SLC25A24: variants seen among roughly 807,000 people sequenced by gnomAD.
The protein encoded by SLC25A24 is solute carrier family 25 member 24.
A neutral mutation model predicts 60.7 loss-of-function variants in SLC25A24; 49 were observed. The ratio of observed to expected loss-of-function variants is 0.81; its 90% CI spans 0.64 to 1.02. SLC25A24 has a LOEUF of 1.02. SLC25A24 is among the 50% of genes least tolerant of loss of function. SLC25A24 has a pLI of 0.00. For missense variants in SLC25A24, 564 were observed against 586.3 expected (o/e 0.96, Z 0.39); for synonymous variants, 202 against 200.6 (o/e 1.01, Z -0.06).
chr1:108,160,627 G>A (rs547526847), intron 4 of SLC25A24, among the ~76,000 whole-genome samples: 18 of 152,314 alleles, frequency 1.2e-4, no homozygotes, highest in African/African-American at 3.6e-4. Context: ...GTAGCGAGCC[G>A]AGATCATGCC....
At chr1:108,153,506 G>C (rs578202846) in intron 6 of SLC25A24, among the ~76,000 whole-genome samples, 7 of 152,340 alleles carry the variant, frequency 4.6e-5, no homozygotes, top group Admixed American at 2.0e-4. Flanking sequence ...AGGCTGGACA[G>C]GGGAGGAACT....
At chr1:108,189,713 G>C (rs1330513978) in intron 1 of SLC25A24, among the ~76,000 whole-genome samples, 1 of 151,698 alleles carries the variant, frequency 6.6e-6, no homozygotes, top group Non-Finnish European at 1.5e-5. Context: ...CTACTCCGGA[G>C]GTTGAGGCAC....
rs541710117 is a variant in SLC25A24 at position 108,174,503 on chromosome 1, C to T, written c.398+7438G>A. On this transcript the variant is annotated intron_variant, in intron 3 of 9. Transcript: ENST00000565488. ...GTGGAGCCCTTGAGGAGAACCTCCG[C>T]TAGGGCAGTGCAAAAGGGAAATGTG... 2.6e-5 allele frequency among the ~76,000 whole-genome samples: 4 copies of T among 152,302 alleles called. No individual in the cohort carries two copies. In the South Asian group the frequency reaches 8.3e-4, roughly 32 times the overall value.
chr1:108,148,842 TTGACAAATGTGA>T (rs1299582281), intron 6 of SLC25A24, among the ~76,000 whole-genome samples: 1 of 152,238 alleles, frequency 6.6e-6, no homozygotes, highest in Admixed American at 6.5e-5. Context: ...AATCAATAAA[TTGACAAATGTGA>T]TGATGTGTCT....
chr1:108,183,855 T>C (rs1430532457), intron 2 of SLC25A24, among the ~76,000 whole-genome samples: 1 of 152,248 alleles, frequency 6.6e-6, no homozygotes, highest in Non-Finnish European at 1.5e-5. Flanking sequence ...GCTAGGAATG[T>C]ACATGCTGAG....
At chr1:108,160,661 T>C (rs541544094) in intron 4 of SLC25A24, among the ~76,000 whole-genome samples, 91 of 152,248 alleles carry the variant, frequency 6.0e-4, no homozygotes, top group Admixed American at 1.6e-3. Flanking sequence ...CTGGGCACCA[T>C]TGAGCACTGA....
intron 3 of SLC25A24, among the ~76,000 whole-genome samples, chr1:108,175,384 T>A (rs535280857): frequency 6.6e-6 from 1 of 152,306 alleles, no homozygotes; most frequent in South Asian, 2.1e-4. Flanking sequence ...TCCACCATGA[T>A]TGTAAGTTTC....
intron 3 of SLC25A24, among the ~76,000 whole-genome samples, chr1:108,175,437 C>T (rs10881512): frequency 0.44 from 67,092 of 152,110 alleles, 14,999 homozygotes; most frequent in Middle Eastern, 0.59. Context: ...AATTAAACCT[C>T]TTTCCTTTAT....
In SLC25A24 at chr1:108,181,991, C is replaced by G. The variant is rs374943909; in HGVS notation, c.348G>C (p.Gln116His). The change falls in exon 3 of 10, where the codon CAG becomes CAC. Residue 116 changes from glutamine (Q) to histidine (H), a missense_variant. Physicochemically the swap from Gln to His is conservative, Grantham distance 24. Transcript: ENST00000565488. Reference sequence around the variant, plus strand: ...GTTCAGAAATAGTCAGACCCAGTGTCTGGAGAGACTGGACAATTTCTGAAG... The same window carrying G: ...GTTCAGAAATAGTCAGACCCAGTGTGTGGAGAGACTGGACAATTTCTGAAG... ...IEASEIVQSL[Q>H]TLGLTISEQQ... 1.2e-6 allele frequency: 2 copies of G among 1,612,590 alleles called. No individual in the cohort carries two copies. The highest frequency in any genetic ancestry group is 2.7e-5 in the African/African-American group (2 of 74,938).
At chr1:108,150,655 C>T (rs1679731563) in intron 6 of SLC25A24, among the ~76,000 whole-genome samples, 1 of 152,148 alleles carries the variant, frequency 6.6e-6, no homozygotes, top group Non-Finnish European at 1.5e-5. Context: ...TTATCCATAG[C>T]TACTCACATA....
In SLC25A24 at chr1:108,185,706, T is replaced by C. The variant is rs1191508375; in HGVS notation, c.310+122A>G. On this transcript the variant is annotated intron_variant, in intron 2 of 9. Coordinates refer to ENST00000565488, the MANE Select transcript of SLC25A24 (RefSeq NM_013386.5). ...TAAAAATCACATTACTAAAAAAAAG[T>C]ATTAACACAAATAATAATTATCATC... is the stretch of plus-strand genomic sequence containing the variant. 5 of 727,244 alleles carry C rather than the reference T, an allele frequency of 6.9e-6. No homozygotes were observed. The Admixed American group carries it at 1.5e-4, about 21-fold the overall frequency. 45.0% of individuals were successfully genotyped at this position (727,244 alleles called of 1,614,324 possible).
At chr1:108,185,279 C>T (rs1194002848) in intron 2 of SLC25A24, among the ~76,000 whole-genome samples, 3 of 152,232 alleles carry the variant, frequency 2.0e-5, no homozygotes, top group Non-Finnish European at 4.4e-5. Context: ...ACCTATTAAT[C>T]GAAATATAGA....
At chr1:108,179,122 C>CAAA (rs199592657) in intron 3 of SLC25A24, among the ~76,000 whole-genome samples, 5 of 84,396 alleles carry the variant, frequency 5.9e-5, no homozygotes, top group Non-Finnish European at 1.0e-4. Flanking sequence ...CCAAAAAGTA[C>CAAA]AAAAAAAAAA....
chr1:108,159,002 C>CA (rs1679981027), intron 4 of SLC25A24, among the ~76,000 whole-genome samples: 3 of 151,764 alleles, frequency 2.0e-5, no homozygotes, highest in South Asian at 2.1e-4. Flanking sequence ...GACTCCGTCT[C>CA]AAAAAAACAA....
chr1:108,188,111 C>T (rs1338223307), intron 1 of SLC25A24, among the ~76,000 whole-genome samples: 2 of 151,620 alleles, frequency 1.3e-5, no homozygotes, highest in East Asian at 1.9e-4. Flanking sequence ...TTATCCTAAG[C>T]GAATCAACGC....
chr1:108,136,675 G>T lies in SLC25A24; in HGVS notation c.1412C>A (p.Thr471Asn). The T allele has an allele frequency of 1.2e-6, 2 of 1,613,668 alleles. No homozygotes were observed. Among genetic ancestry groups the T allele is most frequent in the African/African-American group, 1.3e-5 (1 of 75,032 alleles). Reference sequence around the variant, plus strand: ...ACATCATTTCTGGGTTACTCCTAAAGTTTGCTTCATATTTTCATAAACCAC... The same window carrying T: ...ACATCATTTCTGGGTTACTCCTAAATTTTGCTTCATATTTTCATAAACCAC... ...SYVVYENMKQ[T>N]LGVTQK Residue 471 changes from threonine to asparagine, a missense_variant, in exon 10 of 10, where the codon ACT becomes AAT. Coordinates refer to ENST00000565488, the MANE Select transcript of SLC25A24 (RefSeq NM_013386.5).
At chr1:108,167,755 C>T (rs535694438) in intron 3 of SLC25A24, among the ~76,000 whole-genome samples, 270 of 152,350 alleles carry the variant, frequency 1.8e-3, no homozygotes, top group African/African-American at 6.2e-3. Context: ...GCGTCTTCTG[C>T]GTCGCTCACG....
At chr1:108,143,192 A>T (rs1270210981) in intron 8 of SLC25A24, among the ~76,000 whole-genome samples, 1 of 152,228 alleles carries the variant, frequency 6.6e-6, no homozygotes, top group African/African-American at 2.4e-5. Context: ...CTTCCGTACA[A>T]GGAATGAAAC....
chr1:108,139,779 T>C (rs539622721), intron 8 of SLC25A24, among the ~76,000 whole-genome samples: 1 of 152,210 alleles, frequency 6.6e-6, no homozygotes, highest in East Asian at 1.9e-4. Flanking sequence ...GCCCAGCTAA[T>C]CTTTGTACTG....
Sources: gnomAD v4.1 joint callset for allele counts (sites outside exome capture counted in the v4.1 genomes callset) on GRCh38, gnomAD v4.1.1 for gene constraint, MANE v1.5 for transcripts, NCBI Gene and HGNC (gene_info 2026-07-23, HGNC 2026-07-21) for gene names.